SLC9A2: variants seen among roughly 807,000 people sequenced by gnomAD.
SLC9A2 encodes the protein solute carrier family 9 member A2.
Under a neutral mutation model 71.7 loss-of-function variants are expected in SLC9A2, and 42 were observed. The observed-to-expected ratio is 0.59, with a 90% CI of 0.46 to 0.76. SLC9A2 has a LOEUF of 0.76. Among genes scored for constraint, SLC9A2 ranks in the 30% least tolerant of loss-of-function variants. SLC9A2 has a pLI of 0.00. For synonymous variants in SLC9A2, 396 were observed against 392.5 expected, an observed-to-expected ratio of 1.01 and a Z score of -0.10; for missense variants, 829 against 1,017.4, an observed-to-expected ratio of 0.81 and a Z score of 2.52.
Position 102,694,444 on chromosome 2 carries a change from C to A in SLC9A2, c.1456C>A (p.Leu486Ile). The A allele has an allele frequency of 6.5e-7, 1 of 1,533,034 alleles. No homozygotes were observed. 95.0% of individuals were successfully genotyped at this position (1,533,034 alleles called of 1,614,324 possible). ...AACTATTCGACCACTGGTGGAGTTT[C>A]TTGATGTCAAGAGGTCCAATAAGAA... ...GITIRPLVEFLDVKRSNKKQQ... is the reference protein window; with the variant it reads ...GITIRPLVEFIDVKRSNKKQQ... Residue 486 changes from leucine (L) to isoleucine (I), a missense_variant, in exon 6 of 12, where the codon CTT becomes ATT. By Grantham distance (5) the Leu-to-Ile change is conservative. Around this residue, in one of 3 missense-constraint regions of SLC9A2, gnomAD observed 500 missense variants for 726.3 expected, o/e 0.69. Transcript: ENST00000233969.
At chr2:102,643,614 C>G (rs1370469943) in intron 1 of SLC9A2, among the ~76,000 whole-genome samples, 1 of 152,188 alleles carries the variant, frequency 6.6e-6, no homozygotes, top group Non-Finnish European at 1.5e-5. Flanking sequence ...CTCCAGCCAG[C>G]ATTTCTTCTG....
At chr2:102,695,800 T>TATAA (rs1491352314) in intron 7 of SLC9A2, among the ~76,000 whole-genome samples, 108 of 92,948 alleles carry the variant, frequency 1.2e-3, no homozygotes, top group African/African-American at 4.1e-3. Context: ...TATATATATA[T>TATAA]TATATATATA....
At chr2:102,692,581 T>C (rs1400551306) in intron 5 of SLC9A2, among the ~76,000 whole-genome samples, 1 of 152,204 alleles carries the variant, frequency 6.6e-6, no homozygotes, top group Non-Finnish European at 1.5e-5. Context: ...CCTCCTTACC[T>C]GCCCTATTTT....
At chr2:102,633,995 G>A (rs368196834) in intron 1 of SLC9A2, among the ~76,000 whole-genome samples, 1 of 152,198 alleles carries the variant, frequency 6.6e-6, no homozygotes, top group East Asian at 1.9e-4. Context: ...TGCTCAATGA[G>A]GGAAAGGATT....
rs116123415 is a variant in SLC9A2, at chr2:102,641,088, G to A, written c.290-16476G>A. On this transcript the variant is annotated intron_variant, in intron 1 of 11. Coordinates refer to ENST00000233969, the MANE Select transcript of SLC9A2 (RefSeq NM_003048.6). ...TGACACAACTTACTACATACTGTAT[G>A]AGGTAATAGGAGCGTCACAGTGAAT... Among the ~76,000 whole-genome samples, 314 of 152,300 alleles carry A rather than the reference G, an allele frequency of 2.1e-3. 1 individual carries two copies. Among genetic ancestry groups the A allele is most frequent in the African/African-American group, 7.2e-3 (300 of 41,578 alleles).
chr2:102,698,799 C>T (rs947124114), intron 7 of SLC9A2, among the ~76,000 whole-genome samples: 4 of 152,182 alleles, frequency 2.6e-5, no homozygotes, highest in African/African-American at 9.7e-5. Context: ...GCTAATAGCC[C>T]ACTGACCAAA....
At chr2:102,672,767 C>G (rs1339048623) in intron 3 of SLC9A2, among the ~76,000 whole-genome samples, 2 of 152,098 alleles carry the variant, frequency 1.3e-5, no homozygotes, top group Non-Finnish European at 2.9e-5. Context: ...TACTTTAAAA[C>G]AGATTCCCTG....
rs184274254 is a variant in SLC9A2 at position 102,672,017 on chromosome 2, G to A, written c.1004+6667G>A. On this transcript the variant is annotated intron_variant, in intron 3 of 11. Coordinates refer to ENST00000233969, the MANE Select transcript of SLC9A2 (RefSeq NM_003048.6). ...GCTGCTACTTGGGAGGCTGAGGTAGGAGAATTGCTTGAACCCGGGAGGCGG... is the reference window on the plus strand; with the variant it reads ...GCTGCTACTTGGGAGGCTGAGGTAGAAGAATTGCTTGAACCCGGGAGGCGG... Among the ~76,000 whole-genome samples, 254 of 152,258 alleles carry A rather than the reference G, an allele frequency of 1.7e-3. 4 individuals are homozygous for A. The highest frequency in any genetic ancestry group is 5.7e-3 in the African/African-American group (236 of 41,552).
intron 1 of SLC9A2, among the ~76,000 whole-genome samples, chr2:102,623,656 C>T (rs1418376618): frequency 6.6e-6 from 1 of 152,172 alleles, no homozygotes; most frequent in Non-Finnish European, 1.5e-5. Flanking sequence ...AGGAATTGAG[C>T]TGTGCAGGTG....
chr2:102,620,257 G>T, intron 1 of SLC9A2, 120 bp downstream of exon 1: 6 of 810,336 alleles, frequency 7.4e-6, no homozygotes, highest in Non-Finnish European at 1.1e-5. Context: ...TCAGGGCAGG[G>T]ACGACAGATG....
At chr2:102,662,387 T>A (rs553697007) in intron 2 of SLC9A2, among the ~76,000 whole-genome samples, 2 of 152,122 alleles carry the variant, frequency 1.3e-5, no homozygotes, top group African/African-American at 2.4e-5. Flanking sequence ...GGTGTAGAGA[T>A]GAGAGGGAGG....
chr2:102,623,055 T>C (rs1184358380), intron 1 of SLC9A2, among the ~76,000 whole-genome samples: 2 of 152,204 alleles, frequency 1.3e-5, no homozygotes, highest in African/African-American at 4.8e-5. Context: ...GTCTCTCCAC[T>C]AGCATCTTTT....
intron 9 of SLC9A2, among the ~76,000 whole-genome samples, chr2:102,703,429 A>C (rs1256104977): frequency 6.6e-6 from 1 of 152,104 alleles, no homozygotes; most frequent in Non-Finnish European, 1.5e-5. Flanking sequence ...CCCTGGGAGC[A>C]TCTCACACCT....
intron 2 of SLC9A2, among the ~76,000 whole-genome samples, chr2:102,662,333 C>A (rs1351868322): frequency 6.6e-6 from 1 of 152,174 alleles, no homozygotes; most frequent in Non-Finnish European, 1.5e-5. Flanking sequence ...GAAGGAGTAC[C>A]TGGGCTTCCC....
At position 102,683,177 on chromosome 2, in the gene SLC9A2, A is replaced by G. The variant is rs1677487583; in HGVS notation, c.1005-84A>G. 3.3e-6 allele frequency: 3 copies of G among 899,300 alleles called. No homozygotes were observed. In the East Asian group the frequency reaches 7.2e-5, roughly 22 times the overall value. The allele number at this position is 899,300 out of a possible 1,614,324, so 55.7% of individuals were successfully genotyped here. Reference sequence around the variant, plus strand: ...TAGTCTTGGGCAGAAGAGTAGAGCCATAATTTAGCTCTTAAGTGCTATCTC... The same window carrying G: ...TAGTCTTGGGCAGAAGAGTAGAGCCGTAATTTAGCTCTTAAGTGCTATCTC... On this transcript the variant is annotated intron_variant, in intron 3 of 11. Transcript: ENST00000233969.
chr2:102,694,298 T>C (rs1249576550), intron 5 of SLC9A2, 116 bp from the exon 6 acceptor site: 1 of 278,184 alleles, frequency 3.6e-6, no homozygotes, highest in African/African-American at 2.2e-5. Flanking sequence ...TTAGGAGAAG[T>C]TACCCTTGAA....
At chr2:102,634,241 C>G (rs1185099178) in intron 1 of SLC9A2, among the ~76,000 whole-genome samples, 1 of 152,118 alleles carries the variant, frequency 6.6e-6, no homozygotes, top group African/African-American at 2.4e-5. Context: ...CTCAAATATC[C>G]TCATTTGGAT....
rs1474735793 is a variant in SLC9A2, at chr2:102,704,682, G to A, written c.1977+7G>A. 3.7e-6 allele frequency: 6 copies of A among 1,608,900 alleles called. No homozygotes were observed. The highest frequency in any genetic ancestry group is 4.2e-6 in the Non-Finnish European group (5 of 1,176,676). ...CTTGAATCGAGAACACAGGGTAACTGAGTGTGCGCCTCTAGGAGACTTCCA... is the reference window on the plus strand; with the variant it reads ...CTTGAATCGAGAACACAGGGTAACTAAGTGTGCGCCTCTAGGAGACTTCCA... On this transcript the variant is annotated splice_region_variant and intron_variant, in intron 10 of 11. Coordinates refer to ENST00000233969, the MANE Select transcript of SLC9A2 (RefSeq NM_003048.6).
intron 2 of SLC9A2, among the ~76,000 whole-genome samples, chr2:102,659,620 A>G (rs1677014516): frequency 6.6e-6 from 1 of 152,222 alleles, no homozygotes; most frequent in Non-Finnish European, 1.5e-5. Flanking sequence ...AATTTGTAGT[A>G]TAGATATTTT....
Sources: gnomAD v4.1 joint callset for allele counts (sites outside exome capture counted in the v4.1 genomes callset) on GRCh38, gnomAD v4.1.1 for gene constraint, gnomAD v4.1.1 regional missense constraint, MANE v1.5 for transcripts, NCBI Gene and HGNC (gene_info 2026-07-23, HGNC 2026-07-21) for gene names.